The following ERH variants were observed in gnomAD, a reference collection of about 807,000 sequenced individuals.
ERH encodes enhancer of rudimentary homolog.
A neutral mutation model predicts 16.8 loss-of-function variants in ERH; 1 was observed. The observed-to-expected ratio is 0.06, with a 90% CI of 0.02 to 0.28. The LOEUF is 0.28. ERH is among the 10% of genes least tolerant of loss of function. ERH has a pLI of 1.00. For synonymous variants in ERH, 43 were observed against 43.6 expected (o/e 0.99, Z 0.05); for missense variants, 42 against 127.5 (o/e 0.33, Z 3.23).
chr14:69,398,050 C>G, intron 1 of ERH, 181 bp downstream of exon 1: 6 of 781,408 alleles, frequency 7.7e-6, no homozygotes, highest in Middle Eastern at 3.7e-4. Flanking sequence ...ACCGGGGCTC[C>G]GAGGCCTAGA....
At chr14:69,390,697 G>C (rs1459217027) in intron 2 of ERH, among the ~76,000 whole-genome samples, 1 of 152,156 alleles carries the variant, frequency 6.6e-6, no homozygotes, top group Admixed American at 6.5e-5. Flanking sequence ...AAAAACTTTT[G>C]TGCTCCAAAA....
chr14:69,397,616 G>A (rs1882383693), intron 1 of ERH, among the ~76,000 whole-genome samples: 1 of 152,192 alleles, frequency 6.6e-6, no homozygotes, highest in African/African-American at 2.4e-5. Flanking sequence ...TAGAGCATTT[G>A]GAGGGAAAAA....
intron 1 of ERH, among the ~76,000 whole-genome samples, chr14:69,397,555 T>A (rs1882380307): frequency 6.6e-6 from 1 of 150,410 alleles, no homozygotes; most frequent in African/African-American, 2.5e-5. Flanking sequence ...GCTGGATCTG[T>A]CAGCTTCGAG....
intron 2 of ERH, among the ~76,000 whole-genome samples, chr14:69,394,616 A>G (rs964132737): frequency 1.2e-4 from 18 of 152,102 alleles, no homozygotes; most frequent in Non-Finnish European, 2.2e-4. Context: ...ATAAATAAAC[A>G]AACAAATAAA....
At chr14:69,386,534 A>T (rs1483664837) in intron 3 of ERH, 3 of 153,144 alleles carry the variant, frequency 2.0e-5, no homozygotes, top group Non-Finnish European at 4.4e-5. Context: ...ACTCTAACAT[A>T]CCAAAATATA....
intron 1 of ERH, among the ~76,000 whole-genome samples, chr14:69,397,298 C>T (rs1882367209): frequency 6.6e-6 from 1 of 152,126 alleles, no homozygotes; most frequent in African/African-American, 2.4e-5. Context: ...CGAATTGGAG[C>T]TTACTGATCA....
intron 3 of ERH, among the ~76,000 whole-genome samples, chr14:69,384,707 TAAC>T (rs543024666): frequency 6.9e-6 from 1 of 145,898 alleles, no homozygotes; most frequent in Non-Finnish European, 1.5e-5. Context: ...ATTCCTCAAA[TAAC>T]AACACAAGTG....
Position 69,398,261 on chromosome 14 carries a change from C to T in ERH, c.-28G>A, listed in dbSNP as rs747057679. The stretch of plus-strand genomic sequence containing the variant: ...CGCCAAACTCTCTTCGCTACAGCAG[C>T]TGCCGACACCGCCGCCGTTACACGA... On this transcript the variant is annotated 5_prime_UTR_variant, in exon 1 of 4. Coordinates refer to ENST00000557016, the MANE Select transcript of ERH (RefSeq NM_004450.3). 18 of 1,613,328 alleles carry T rather than the reference C, an allele frequency of 1.1e-5. No homozygotes were observed. In the South Asian group the frequency reaches 2.0e-4, roughly 18 times the overall value.
At chr14:69,390,934 A>G (rs1454510214) in intron 2 of ERH, among the ~76,000 whole-genome samples, 4 of 152,232 alleles carry the variant, frequency 2.6e-5, no homozygotes, top group African/African-American at 9.7e-5. Context: ...TTGCAAATTA[A>G]AACAATAAGA....
At chr14:69,384,020 A>ACT (rs2045878359) in intron 3 of ERH, among the ~76,000 whole-genome samples, 1 of 152,182 alleles carries the variant, frequency 6.6e-6, no homozygotes, top group African/African-American at 2.4e-5. Context: ...CAAAGTTAGA[A>ACT]AAGTTATGTT....
At chr14:69,398,166 A>G in intron 1 of ERH, 65 bp downstream of exon 1, 1 of 1,603,854 alleles carries the variant, frequency 6.2e-7, no homozygotes, top group Non-Finnish European at 8.5e-7. Context: ...GGGAAAACGT[A>G]TGGGGCTGGG....
At chr14:69,386,498 C>T (rs1433969989) in intron 3 of ERH, among the ~76,000 whole-genome samples, 2 of 152,184 alleles carry the variant, frequency 1.3e-5, no homozygotes, top group African/African-American at 4.8e-5. Flanking sequence ...TCAATACAAA[C>T]TATAACAAAT....
chr14:69,393,035 G>A (rs1362009309), intron 2 of ERH, among the ~76,000 whole-genome samples: 2 of 152,346 alleles, frequency 1.3e-5, no homozygotes, highest in East Asian at 3.9e-4. Context: ...TAGAGTAGAT[G>A]GCCTGGAGTG....
At chr14:69,383,554 T>C (rs559528702) in intron 3 of ERH, among the ~76,000 whole-genome samples, 48 of 152,316 alleles carry the variant, frequency 3.2e-4, no homozygotes, top group African/African-American at 1.1e-3. Flanking sequence ...CTGGGGAAAA[T>C]AGTTTTAAAT....
At chr14:69,386,753 A>T (rs1019596087) in intron 3 of ERH, 3 of 434,870 alleles carry the variant, frequency 6.9e-6, no homozygotes, top group Non-Finnish European at 1.2e-5. Flanking sequence ...GATACTAACT[A>T]TATCAATTAG....
rs1164258269 is a variant in ERH, at chr14:69,394,903, T to C, written c.13A>G (p.Ile5Val). The change falls in exon 2 of 4, where the codon ATT becomes GTT. Residue 5 changes from isoleucine to valine, a missense_variant. Physicochemically the swap from Ile to Val is conservative, Grantham distance 29 (BLOSUM62 3). Transcript: ENST00000557016. MSHTILLVQPTKRPE... is the reference protein window; with the variant it reads MSHTVLLVQPTKRPE... Reference sequence around the variant, plus strand: ...CTCTTGGTAGGCTGTACCAGCAAAATGGTGTGAGACTGCAGGGGAAAACAT... The same window carrying C: ...CTCTTGGTAGGCTGTACCAGCAAAACGGTGTGAGACTGCAGGGGAAAACAT... The C allele has an allele frequency of 1.9e-6, 3 of 1,612,012 alleles. No homozygotes were observed. Among genetic ancestry groups the C allele is most frequent in the East Asian group, 2.2e-5 (1 of 44,872 alleles).
At position 69,394,919 on chromosome 14, in the gene ERH, G is replaced by A. The variant is rs559694437; in HGVS notation, c.4-7C>T. On this transcript the variant is annotated splice_region_variant and splice_polypyrimidine_tract_variant and intron_variant, in intron 1 of 3. Coordinates refer to ENST00000557016, the MANE Select transcript of ERH (RefSeq NM_004450.3). ...CCAGCAAAATGGTGTGAGACTGCAG[G>A]GGAAAACATGATTTCAATATAAGTT... 2 of 1,592,360 alleles carry A rather than the reference G, an allele frequency of 1.3e-6. No individual in the cohort carries two copies. The highest frequency in any genetic ancestry group is 2.2e-5 in the South Asian group (2 of 89,320).
chr14:69,389,905 C>A (rs772124764), intron 2 of ERH, among the ~76,000 whole-genome samples: 1 of 151,898 alleles, frequency 6.6e-6, no homozygotes, highest in African/African-American at 2.4e-5. Context: ...ACTACAGGTA[C>A]GCGCCACCAT....
intron 3 of ERH, 35 bp from the exon 4 acceptor site, chr14:69,380,675 GGTCA>G: frequency 8.2e-7 from 1 of 1,224,470 alleles, no homozygotes; most frequent in Non-Finnish European, 1.2e-6. Context: ...AAGTCACAGT[GGTCA>G]ATCACTGCCA....
Sources: gnomAD v4.1 joint callset for allele counts (sites outside exome capture counted in the v4.1 genomes callset) on GRCh38, gnomAD v4.1.1 for gene constraint, MANE v1.5 for transcripts, NCBI Gene and HGNC (gene_info 2026-07-23, HGNC 2026-07-21) for gene names.